Variants in RASSF7 observed in about 807,000 individuals in gnomAD.
RASSF7 encodes the protein ras association domain-containing protein 7.
Under a neutral mutation model 33.8 loss-of-function variants are expected in RASSF7, and 41 were observed. The observed-to-expected ratio is 1.21, with a 90% CI of 0.95 to 1.57. The LOEUF (loss-of-function observed/expected upper bound fraction) is 1.57, where lower values mean the gene tolerates loss of function less well. Ranked by LOEUF, RASSF7 falls within the 40% of genes most tolerant of loss-of-function variation. RASSF7 has a pLI of 0.00. For missense variants in RASSF7, 622 were observed against 497.0 expected, an observed-to-expected ratio of 1.25 and a Z score of -2.39; for synonymous variants, 298 against 212.8, an observed-to-expected ratio of 1.40 and a Z score of -3.48.
In RASSF7 at chr11:560,985, G is replaced by C; in HGVS notation, c.-500G>C. On this transcript the variant is annotated 5_prime_UTR_variant, in exon 1 of 6. Coordinates refer to ENST00000397583, the MANE Select transcript of RASSF7 (RefSeq NM_003475.4). ...CGGGTGCGCCGCGGCGCTGGGGGCG[G>C]CAGGTTGCGGCGGCGCCGGAGCGGG... is the stretch of plus-strand genomic sequence containing the variant. 3 of 1,070,834 alleles carry C rather than the reference G, an allele frequency of 2.8e-6. No individual in the cohort carries two copies. The highest frequency in any genetic ancestry group is 2.3e-6 in the Non-Finnish European group (2 of 885,992). 66.3% of individuals were successfully genotyped at this position (1,070,834 alleles called of 1,614,324 possible). A position where few individuals can be genotyped will look rare whatever the true frequency, so the allele number is the denominator to read the frequency against.
Position 561,879 on chromosome 11 carries a change from A to C in RASSF7, c.111A>C (p.Leu37=), listed in dbSNP as rs1853335162. 5 of 1,613,392 alleles carry C rather than the reference A, an allele frequency of 3.1e-6. No homozygotes were observed. The highest frequency in any genetic ancestry group is 4.2e-6 in the Non-Finnish European group (5 of 1,179,982). ...QTTCQEVVIA[L]AQAIGQTGRF... is the part of the protein sequence containing the mutation. ...CCTGCCAGGAAGTGGTCATCGCACT[A>C]GCCCAAGCAATAGGTGAGTCCTCTC... is the stretch of plus-strand genomic sequence containing the variant. Residue 37 remains leucine (L), a synonymous_variant, in exon 2 of 6, where the codon CTA becomes CTC. Transcript: ENST00000397583.
In RASSF7 at chr11:562,317, C is replaced by T. The variant is rs1408273903; in HGVS notation, c.363C>T (p.Gly121=). The change falls in exon 3 of 6, where the codon GGC becomes GGT. Residue 121 remains glycine, a synonymous_variant. Coordinates refer to ENST00000397583, the MANE Select transcript of RASSF7 (RefSeq NM_003475.4). The part of the protein sequence containing the change: ...SLPVKPRAAL[G]CEPRKTLTPE... ...CTGTAAAGCCACGGGCTGCGCTGGG[C>T]TGTGAGCCCCGCAAAACACTGACCC... The T allele has an allele frequency of 5.0e-6, 8 of 1,611,500 alleles. No individual in the cohort carries two copies. The highest frequency in any genetic ancestry group is 5.9e-6 in the Non-Finnish European group (7 of 1,179,648).
chr11:562,758 A>G lies in RASSF7; in HGVS notation c.804A>G (p.Ala268=). 2.6e-6 allele frequency: 4 copies of G among 1,512,288 alleles called. No homozygotes were observed. The highest frequency in any genetic ancestry group is 3.5e-6 in the Non-Finnish European group (4 of 1,133,968). 93.7% of individuals were successfully genotyped at this position (1,512,288 alleles called of 1,614,324 possible). ...SLALVSRALE[A]AERALQAQAQ... ...CTCTGGTGAGCCGGGCCCTGGAGGC[A>G]GCAGAGCGAGCCTTGCAGGTGAGCC... The change falls in exon 3 of 6, where the codon GCA becomes GCG. Residue 268 remains alanine, a synonymous_variant. Coordinates refer to ENST00000397583, the MANE Select transcript of RASSF7 (RefSeq NM_003475.4).
Position 561,018 on chromosome 11 carries a change from G to A in RASSF7, c.-467G>A. ...CGGCGGCGCCGGAGCGGGTCTCCAG[G>A]CTGGCGAGCGCCCAGGTGAGCCGCG... is the stretch of plus-strand genomic sequence containing the variant. On this transcript the variant is annotated 5_prime_UTR_variant, in exon 1 of 6. Coordinates refer to ENST00000397583, the MANE Select transcript of RASSF7 (RefSeq NM_003475.4). 1 of 1,014,064 alleles carries A rather than the reference G, an allele frequency of 9.9e-7. No individual in the cohort carries two copies. The highest frequency in any genetic ancestry group is 1.2e-6 in the Non-Finnish European group (1 of 849,492). 62.8% of individuals were successfully genotyped at this position (1,014,064 alleles called of 1,614,324 possible). A position where few individuals can be genotyped will look rare whatever the true frequency, so the allele number is the denominator to read the frequency against.
rs1424566816 is a variant in RASSF7 at position 562,781 on chromosome 11, G to GC, written c.822+8dup. 7.4e-6 allele frequency: 11 copies of GC among 1,478,502 alleles called. No homozygotes were observed. The highest frequency in any genetic ancestry group is 8.9e-6 in the Non-Finnish European group (10 of 1,118,048). 91.6% of individuals were successfully genotyped at this position (1,478,502 alleles called of 1,614,324 possible). ...GCAGCAGAGCGAGCCTTGCAGGTGA[G>GC]CCCGGGGACCTGATCCCCTGTCACT... On this transcript the variant is annotated splice_donor_region_variant and intron_variant, in intron 3 of 5. Coordinates refer to ENST00000397583, the MANE Select transcript of RASSF7 (RefSeq NM_003475.4).
At chr11:561,980 T>C in intron 2 of RASSF7, 88 bp downstream of exon 2, 5 of 1,565,588 alleles carry the variant, frequency 3.2e-6, no homozygotes, top group Admixed American at 3.7e-5. Context: ...CCAAGGAGAG[T>C]GGGGCTGGTT....
At chr11:563,518 T>C (rs1265349823) in intron 5 of RASSF7, 40 bp downstream of exon 5, 1 of 1,610,110 alleles carries the variant, frequency 6.2e-7, no homozygotes. Flanking sequence ...CACCGGGCCC[T>C]CCTGTGGCTG....
In RASSF7 at chr11:561,358, C is replaced by G. The variant is rs1225718814; in HGVS notation, c.-127C>G. The G allele has an allele frequency of 1.3e-5, 13 of 1,027,894 alleles. No homozygotes were observed. The highest frequency in any genetic ancestry group is 1.7e-5 in the African/African-American group (1 of 57,792). The allele number at this position is 1,027,894 out of a possible 1,614,324, so 63.7% of individuals were successfully genotyped here. On this transcript the variant is annotated 5_prime_UTR_variant, in exon 1 of 6. Coordinates refer to ENST00000397583, the MANE Select transcript of RASSF7 (RefSeq NM_003475.4). ...GCAGGGTCGAGGTCTGGGTTGCGAC[C>G]CCGAGCGCCTCTGCGGCCTGAGCAG...
chr11:562,020 C>T (rs1313054613), intron 2 of RASSF7, 59 bp from the exon 3 acceptor site: 33 of 1,515,132 alleles, frequency 2.2e-5, no homozygotes, highest in Non-Finnish European at 2.6e-5. Flanking sequence ...CCCAACTCTT[C>T]AAGCCAGGTG....
In RASSF7 at chr11:561,870, C is replaced by T. The variant is rs202159972; in HGVS notation, c.102C>T (p.Val34=). 22 of 1,613,468 alleles carry T rather than the reference C, an allele frequency of 1.4e-5. No individual in the cohort carries two copies. Among genetic ancestry groups the T allele is most frequent in the Middle Eastern group, 1.6e-4 (1 of 6,082 alleles). The change falls in exon 2 of 6, where the codon GTC becomes GTT. Residue 34 remains valine (V), a synonymous_variant. Transcript: ENST00000397583. ...AGCAGACCACCTGCCAGGAAGTGGT[C>T]ATCGCACTAGCCCAAGCAATAGGTG... is the stretch of plus-strand genomic sequence containing the variant. ...VSEQTTCQEV[V]IALAQAIGQT... is the part of the protein sequence containing the mutation.
In RASSF7 at chr11:563,428, C is replaced by T. The variant is rs763585788; in HGVS notation, c.984C>T (p.Leu328=). ...TGCCTCCAGCCAGAGAGGAGTCCCTCCTGGGCGCTCCCTCTGAGTCCCATG... is the reference window on the plus strand; with the variant it reads ...TGCCTCCAGCCAGAGAGGAGTCCCTTCTGGGCGCTCCCTCTGAGTCCCATG... ...GPLPPAREES[L]LGAPSESHAG... is the part of the protein sequence containing the mutation. Residue 328 remains leucine (L), a synonymous_variant, in exon 5 of 6, where the codon CTC becomes CTT. Transcript: ENST00000397583. The T allele has an allele frequency of 2.5e-6, 4 of 1,611,958 alleles. No homozygotes were observed. The South Asian group carries it at 3.3e-5, about 13-fold the overall frequency.
In RASSF7 at chr11:563,461, C is replaced by T. The variant is rs148520444; in HGVS notation, c.1017C>T (p.Ala339=). ...CTCCCTCTGAGTCCCATGCTGGTGC[C>T]CAGCCTAGGCCCCGAGGGTATGTCT... ...LGAPSESHAG[A]QPRPRGGPHD... Residue 339 remains alanine (A), a synonymous_variant, in exon 5 of 6, where the codon GCC becomes GCT. Coordinates refer to ENST00000397583, the MANE Select transcript of RASSF7 (RefSeq NM_003475.4). The T allele has an allele frequency of 9.5e-5, 153 of 1,610,942 alleles. No homozygotes were observed. The highest frequency in any genetic ancestry group is 1.3e-4 in the Non-Finnish European group (150 of 1,179,428).
In RASSF7 at chr11:562,737, G is replaced by C. The variant is rs1853394428; in HGVS notation, c.783G>C (p.Leu261=). Reference sequence around the variant, plus strand: ...CGGAGGTGCAGGGCAGCCTGGCTCTGGTGAGCCGGGCCCTGGAGGCAGCAG... The same window carrying C: ...CGGAGGTGCAGGGCAGCCTGGCTCTCGTGAGCCGGGCCCTGGAGGCAGCAG... The part of the protein sequence containing the change: ...QSAEVQGSLA[L]VSRALEAAER... The change falls in exon 3 of 6, where the codon CTG becomes CTC. Residue 261 remains leucine, a synonymous_variant. Coordinates refer to ENST00000397583, the MANE Select transcript of RASSF7 (RefSeq NM_003475.4). The C allele has an allele frequency of 6.5e-7, 1 of 1,530,538 alleles. No individual in the cohort carries two copies. The highest frequency in any genetic ancestry group is 1.2e-5 in the South Asian group (1 of 82,724). 94.8% of individuals were successfully genotyped at this position (1,530,538 alleles called of 1,614,324 possible).
Position 561,851 on chromosome 11 carries a change from C to G in RASSF7, c.83C>G (p.Thr28Ser), listed in dbSNP as rs755435187. ...GTGGTCTGTGGGGTCTCAGAGCAGACCACCTGCCAGGAAGTGGTCATCGCA... is the reference window on the plus strand; with the variant it reads ...GTGGTCTGTGGGGTCTCAGAGCAGAGCACCTGCCAGGAAGTGGTCATCGCA... Reference protein sequence around the residue: ...QRVVCGVSEQTTCQEVVIALA... With the variant: ...QRVVCGVSEQSTCQEVVIALA... The change falls in exon 2 of 6, where the codon ACC (threonine) becomes AGC (serine). Residue 28 changes from threonine to serine, a missense_variant. Coordinates refer to ENST00000397583, the MANE Select transcript of RASSF7 (RefSeq NM_003475.4). The G allele has an allele frequency of 6.2e-7, 1 of 1,613,354 alleles. No homozygotes were observed. The highest frequency in any genetic ancestry group is 8.5e-7 in the Non-Finnish European group (1 of 1,179,998).
rs1226754604 is a variant in RASSF7, at chr11:562,552, A to G, written c.598A>G (p.Thr200Ala). Residue 200 changes from threonine (T) to alanine (A), a missense_variant, in exon 3 of 6, where the codon ACT becomes GCT. Physicochemically the swap from Thr to Ala is moderately conservative, Grantham distance 58. Transcript: ENST00000397583. ...QARLQALSAATAEHAARLQAL... is the reference protein window; with the variant it reads ...QARLQALSAAAAEHAARLQAL... ...ACGCCTGCAGGCACTAAGTGCGGCC[A>G]CTGCTGAGCATGCCGCCCGGCTGCA... The G allele has an allele frequency of 2.0e-5, 31 of 1,546,722 alleles. No homozygotes were observed. The highest frequency in any genetic ancestry group is 1.9e-4 in the Middle Eastern group (1 of 5,146).
chr11:562,882 C>A, intron 3 of RASSF7, 106 bp downstream of exon 3: 1 of 962,432 alleles, frequency 1.0e-6, no homozygotes. Context: ...GGGACCTGAT[C>A]CCCTGTCACT....
Position 562,437 on chromosome 11 carries a change from G to A in RASSF7, c.483G>A (p.Arg161=), listed in dbSNP as rs11246189. The A allele has an allele frequency of 0.2, 308,659 of 1,552,120 alleles. 32,603 individuals carry two copies. Among genetic ancestry groups the A allele is most frequent in the Admixed American group, 0.27 (13,753 of 51,182 alleles). The change falls in exon 3 of 6, where the codon AGG becomes AGA. Residue 161 remains arginine, a synonymous_variant. Transcript: ENST00000397583. ...CCTDLRGLEL[R]VQRNAEELGH... ...CAGACCTGCGGGGCCTGGAGCTCAG[G>A]GTGCAGAGGAATGCTGAGGAGCTGG...
chr11:560,974 C>G lies in RASSF7; in HGVS notation c.-511C>G. 9.1e-7 allele frequency: 1 copy of G among 1,097,674 alleles called. No individual in the cohort carries two copies. Among genetic ancestry groups the G allele is most frequent in the African/African-American group, 1.7e-5 (1 of 60,130 alleles). The allele number at this position is 1,097,674 out of a possible 1,614,324, so 68.0% of individuals were successfully genotyped here. A position where few individuals can be genotyped will look rare whatever the true frequency, so the allele number is the denominator to read the frequency against. On this transcript the variant is annotated 5_prime_UTR_variant, in exon 1 of 6. Transcript: ENST00000397583. ...GGCGCGGGGCCCGGGTGCGCCGCGG[C>G]GCTGGGGGCGGCAGGTTGCGGCGGC...
chr11:562,045 G>T, intron 2 of RASSF7, 34 bp from the exon 3 acceptor site: 2 of 1,503,426 alleles, frequency 1.3e-6, no homozygotes, highest in Non-Finnish European at 1.8e-6. Context: ...GAGAGTCGGG[G>T]GGACATAGGC....
Sources: allele counts gnomAD v4.1 joint callset, GRCh38; gene constraint gnomAD v4.1.1; transcripts MANE v1.5; gene names NCBI Gene and HGNC (gene_info 2026-07-23, HGNC 2026-07-21).